Variants in NAMPT observed in about 807,000 individuals in gnomAD.
NAMPT encodes NAmPRTase.
NAMPT carries 7 observed loss-of-function variants against 58.7 expected under a neutral mutation model. That is an observed-to-expected ratio of 0.12 (90% CI 0.07 to 0.22). NAMPT has a LOEUF of 0.22. NAMPT is among the 10% of genes least tolerant of loss of function. The probability of loss-of-function intolerance (pLI) is 1.00; values close to 1 mark genes in which losing one functional copy is unlikely to be tolerated. For synonymous variants in NAMPT, 145 were observed against 198.1 expected (o/e 0.73, Z 2.25); for missense variants, 271 against 567.9 (o/e 0.48, Z 5.31).
In NAMPT at chr7:106,263,516, T is replaced by G; in HGVS notation, c.845A>C (p.Asp282Ala). The change falls in exon 7 of 11, where the codon GAC becomes GCC. Residue 282 changes from aspartate to alanine, a missense_variant. This residue lies in a region of NAMPT where 143 missense variants were observed against 331.1 expected (regional missense o/e 0.43). Coordinates refer to ENST00000222553, the MANE Select transcript of NAMPT (RefSeq NM_005746.3). ...VPVSVVSDSYDIYNACEKIWG... is the reference protein window; with the variant it reads ...VPVSVVSDSYAIYNACEKIWG... The stretch of plus-strand genomic sequence containing the variant: ...TATTTTCTCACACGCATTATAAATG[T>G]CATAGCTATCGCTGACCACAGATAC... The G allele has an allele frequency of 6.2e-7, 1 of 1,611,734 alleles. No individual in the cohort carries two copies. The highest frequency in any genetic ancestry group is 8.5e-7 in the Non-Finnish European group (1 of 1,177,876).
intron 10 of NAMPT, 105 bp downstream of exon 10, chr7:106,252,912 A>G (rs1388962465): frequency 7.3e-7 from 1 of 1,364,068 alleles, no homozygotes; most frequent in East Asian, 2.4e-5. Flanking sequence ...ATAAAATATA[A>G]TACTTTGTCT....
At chr7:106,270,712 A>G (rs2115792033) in intron 4 of NAMPT, among the ~76,000 whole-genome samples, 1 of 152,244 alleles carries the variant, frequency 6.6e-6, no homozygotes, top group African/African-American at 2.4e-5. Flanking sequence ...CTGGAGTGAG[A>G]CCCGGTAGTC....
chr7:106,271,192 T>C (rs1444837386), intron 4 of NAMPT, among the ~76,000 whole-genome samples: 1 of 152,230 alleles, frequency 6.6e-6, no homozygotes, highest in Non-Finnish European at 1.5e-5. Context: ...TTGAGAATCT[T>C]GCCTTGCTTA....
rs1218628528 is a variant in NAMPT at position 106,249,881 on chromosome 7, T to G, written c.*1202A>C. 1.3e-5 allele frequency: 2 copies of G among 152,064 alleles called. No individual in the cohort carries two copies. Among genetic ancestry groups the G allele is most frequent in the Admixed American group, 1.3e-4 (2 of 15,242 alleles). 9.4% of individuals were successfully genotyped at this position (152,064 alleles called of 1,614,324 possible). A position where few individuals can be genotyped will look rare whatever the true frequency, so the allele number is the denominator to read the frequency against. On this transcript the variant is annotated 3_prime_UTR_variant, in exon 11 of 11. Transcript: ENST00000222553. ...TTCAGAATCTAGTAGCTAATCACTCTAGAACATTTTGATGTCAAGCACTTT... is the reference window on the plus strand; with the variant it reads ...TTCAGAATCTAGTAGCTAATCACTCGAGAACATTTTGATGTCAAGCACTTT...
At chr7:106,268,235 T>C in intron 6 of NAMPT, 1 of 351,652 alleles carries the variant, frequency 2.8e-6, no homozygotes, top group East Asian at 4.9e-5. Flanking sequence ...TCTATGGCAA[T>C]ATAAGTATTG....
rs938893031 is a variant in NAMPT at position 106,248,605 on chromosome 7, G to T, written c.*2478C>A. ...AAAAAACATTTTACTTTAATTATAG[G>T]GTACAAATAAGAGTCTTAACACAGA... is the stretch of plus-strand genomic sequence containing the variant. On this transcript the variant is annotated 3_prime_UTR_variant, in exon 11 of 11. Transcript: ENST00000222553. 2.0e-5 allele frequency: 3 copies of T among 151,778 alleles called. No homozygotes were observed. Among genetic ancestry groups the T allele is most frequent in the Non-Finnish European group, 4.4e-5 (3 of 67,918 alleles). The allele number at this position is 151,778 out of a possible 1,614,324, so 9.4% of individuals were successfully genotyped here. A position where few individuals can be genotyped will look rare whatever the true frequency, so the allele number is the denominator to read the frequency against.
intron 2 of NAMPT, chr7:106,276,431 C>A (rs1372383485): frequency 6.6e-6 from 1 of 152,174 alleles, no homozygotes; most frequent in African/African-American, 2.4e-5. Flanking sequence ...CTGATTGCTA[C>A]CATAATTCAA....
chr7:106,259,544 C>A (rs1473501666), intron 8 of NAMPT, among the ~76,000 whole-genome samples: 2 of 152,132 alleles, frequency 1.3e-5, no homozygotes, highest in Non-Finnish European at 2.9e-5. Flanking sequence ...CCTGCCTCAG[C>A]CTCCTGAGTA....
chr7:106,260,538 A>T (rs1226043957), intron 8 of NAMPT, among the ~76,000 whole-genome samples: 1 of 152,230 alleles, frequency 6.6e-6, no homozygotes, highest in African/African-American at 2.4e-5. Context: ...TTAGTGGAGT[A>T]GCACTTTGAT....
chr7:106,259,891 T>TG (rs1792273721), intron 8 of NAMPT, among the ~76,000 whole-genome samples: 1 of 150,746 alleles, frequency 6.6e-6, no homozygotes, highest in Non-Finnish European at 1.5e-5. Flanking sequence ...TTTTTTTTTT[T>TG]TTTTTCCTGA....
chr7:106,268,731 TTTA>T (rs1792474967), intron 5 of NAMPT, 131 bp from the exon 6 acceptor site: 1 of 683,026 alleles, frequency 1.5e-6, no homozygotes, highest in Non-Finnish European at 2.5e-6. Flanking sequence ...TAGGAAAGTA[TTTA>T]TTGTCAGACA....
In NAMPT at chr7:106,249,574, C is replaced by G. The variant is rs1328109274; in HGVS notation, c.*1509G>C. 6 of 152,028 alleles carry G rather than the reference C, an allele frequency of 3.9e-5. No individual in the cohort carries two copies. Among genetic ancestry groups the G allele is most frequent in the Admixed American group, 1.3e-4 (2 of 15,220 alleles). 9.4% of individuals were successfully genotyped at this position (152,028 alleles called of 1,614,324 possible). ...TTCCTTTTAAATGCAAGGCACACTCCTTTTCTTAGAACAGAGATCAGGAAA... is the reference window on the plus strand; with the variant it reads ...TTCCTTTTAAATGCAAGGCACACTCGTTTTCTTAGAACAGAGATCAGGAAA... On this transcript the variant is annotated 3_prime_UTR_variant, in exon 11 of 11. Transcript: ENST00000222553.
rs1468471916 is a variant in NAMPT at position 106,248,301 on chromosome 7, T to C, written c.*2782A>G. The stretch of plus-strand genomic sequence containing the variant: ...GCACACAAATTTAACACTTCACTAA[T>C]AGAGCTAAACTTTATTTCCATGTTT... On this transcript the variant is annotated 3_prime_UTR_variant, in exon 11 of 11. Transcript: ENST00000222553. 1.3e-5 allele frequency: 2 copies of C among 152,534 alleles called. No homozygotes were observed. Among genetic ancestry groups the C allele is most frequent in the Admixed American group, 6.6e-5 (1 of 15,246 alleles). 9.4% of individuals were successfully genotyped at this position (152,534 alleles called of 1,614,324 possible).
chr7:106,266,214 T>A lies in NAMPT; in HGVS notation c.743+2250A>T, dbSNP rs544109314. Among the ~76,000 whole-genome samples the A allele has an allele frequency of 1.7e-3, 258 of 152,346 alleles. 6 individuals carry two copies. In the South Asian group the frequency reaches 0.052, roughly 31 times the overall value. On this transcript the variant is annotated intron_variant, in intron 6 of 10. Coordinates refer to ENST00000222553, the MANE Select transcript of NAMPT (RefSeq NM_005746.3). ...TAAGAACATGTGAGGCATTTGAATA[T>A]ATAAGGAGTCAAATTTTACAAATGC...
chr7:106,256,080 A>C (rs1792193497), intron 8 of NAMPT, among the ~76,000 whole-genome samples: 1 of 152,202 alleles, frequency 6.6e-6, no homozygotes, highest in African/African-American at 2.4e-5. Context: ...CATTTAATAC[A>C]TGTGAGACTT....
intron 8 of NAMPT, among the ~76,000 whole-genome samples, chr7:106,255,584 T>C (rs1323373039): frequency 6.6e-6 from 1 of 152,196 alleles, no homozygotes. Flanking sequence ...CAAATCTACA[T>C]TTAGAAATGC....
intron 1 of NAMPT, among the ~76,000 whole-genome samples, chr7:106,277,517 CAGAA>C (rs1240570922): frequency 6.6e-6 from 1 of 152,146 alleles, no homozygotes; most frequent in Admixed American, 6.5e-5. Context: ...GCACACACAA[CAGAA>C]AGGAATGAAC....
rs921651510 is a variant in NAMPT at position 106,249,600 on chromosome 7, CTTTTTGTGTAATTTT to C, written c.*1468_*1482del. On this transcript the variant is annotated 3_prime_UTR_variant, in exon 11 of 11. Coordinates refer to ENST00000222553, the MANE Select transcript of NAMPT (RefSeq NM_005746.3). The stretch of plus-strand genomic sequence containing the variant: ...TTTTCTTAGAACAGAGATCAGGAAA[CTTTTTGTGTAATTTT>C]GTGTAAAGGGCAGGTTAATAAACAT... The C allele has an allele frequency of 7.2e-5, 11 of 151,950 alleles. No homozygotes were observed. The highest frequency in any genetic ancestry group is 1.6e-4 in the Non-Finnish European group (11 of 67,946). 9.4% of individuals were successfully genotyped at this position (151,950 alleles called of 1,614,324 possible).
In NAMPT at chr7:106,268,533, G is replaced by T; in HGVS notation, c.674C>A (p.Ala225Asp). 6.2e-7 allele frequency: 1 copy of T among 1,612,214 alleles called. No individual in the cohort carries two copies. Among genetic ancestry groups the T allele is most frequent in the Non-Finnish European group, 8.5e-7 (1 of 1,178,266 alleles). Residue 225 changes from alanine to aspartate, a missense_variant, in exon 6 of 11, where the codon GCT becomes GAT. Around this residue, in one of 4 missense-constraint regions of NAMPT, gnomAD observed 143 missense variants for 331.1 expected, o/e 0.43. Transcript: ENST00000222553. ...CGTTCCATAATATTTTTTAATTAGA[G>T]CAAGTCCTGCTACTGTATCTGTTCC... ...FKGTDTVAGL[A>D]LIKKYYGTKD...
Sources: allele counts gnomAD v4.1 joint callset (sites outside exome capture counted in the v4.1 genomes callset), GRCh38; gene constraint gnomAD v4.1.1; regional missense constraint gnomAD v4.1.1; transcripts MANE v1.5; gene names NCBI Gene and HGNC (gene_info 2026-07-23, HGNC 2026-07-21).